FAM184B: variants seen among roughly 807,000 people sequenced by gnomAD.
The protein encoded by FAM184B is protein FAM184B.
FAM184B carries 111 observed loss-of-function variants against 135.9 expected under a neutral mutation model. That is an observed-to-expected ratio of 0.82 (90% CI 0.70 to 0.96). The LOEUF is 0.96. FAM184B is among the 40% of genes least tolerant of loss of function. FAM184B has a pLI of 0.00. For synonymous variants in FAM184B, 552 were observed against 524.8 expected (o/e 1.05, Z -0.71); for missense variants, 1,375 against 1,323.9 (o/e 1.04, Z -0.60).
In FAM184B at chr4:17,739,555, G is replaced by GTT. The variant is rs397992408; in HGVS notation, c.142-29913_142-29912dup. On this transcript the variant is annotated intron_variant, in intron 1 of 17. Transcript: ENST00000265018. ...CCCTACACCATATGTCATACCAACTGTTTTTTTTTTTTTTTTGAGATGGGG... is the reference window on the plus strand; with the variant it reads ...CCCTACACCATATGTCATACCAACTGTTTTTTTTTTTTTTTTTTGAGATGGGG... 3.7e-4 allele frequency among the ~76,000 whole-genome samples: 23 copies of GTT among 62,510 alleles called. 4 individuals carry two copies. The highest frequency in any genetic ancestry group is 7.8e-4 in the South Asian group (1 of 1,280). 41.0% of individuals were successfully genotyped at this position (62,510 alleles called of 152,430 possible).
At chr4:17,636,427 A>G in intron 15 of FAM184B, 101 bp downstream of exon 15, 3 of 875,756 alleles carry the variant, frequency 3.4e-6, no homozygotes, top group Non-Finnish European at 5.5e-6. Context: ...GTAAGATATT[A>G]GGGCACCTAG....
intron 1 of FAM184B, among the ~76,000 whole-genome samples, chr4:17,721,672 C>T (rs1276714301): frequency 6.6e-6 from 1 of 152,122 alleles, no homozygotes; most frequent in African/African-American, 2.4e-5. Flanking sequence ...GGGGTCAGAC[C>T]CTCACAAGTC....
intron 9 of FAM184B, 116 bp from the exon 10 acceptor site, chr4:17,658,678 G>T: frequency 9.7e-7 from 1 of 1,027,756 alleles, no homozygotes; most frequent in Non-Finnish European, 1.4e-6. Flanking sequence ...TCTGTCTGTA[G>T]AGACTCTGAA....
intron 5 of FAM184B, among the ~76,000 whole-genome samples, chr4:17,702,152 T>G (rs1717001160): frequency 6.6e-6 from 1 of 152,188 alleles, no homozygotes; most frequent in Non-Finnish European, 1.5e-5. Flanking sequence ...GCTGGGTAGC[T>G]GCCAAGCCCA....
chr4:17,653,363 A>C (rs943932958), intron 10 of FAM184B, among the ~76,000 whole-genome samples: 5 of 152,186 alleles, frequency 3.3e-5, no homozygotes, highest in African/African-American at 1.2e-4. Context: ...CATCTGCCCC[A>C]GGACTAGTGT....
At chr4:17,739,555 G>GTTTTTTTTTTTGT (rs1553841418) in intron 1 of FAM184B, among the ~76,000 whole-genome samples, 1 of 62,510 alleles carries the variant, frequency 1.6e-5, no homozygotes, top group Non-Finnish European at 2.7e-5. Flanking sequence ...CATACCAACT[G>GTTTTTTTTTTTGT]TTTTTTTTTT....
intron 7 of FAM184B, among the ~76,000 whole-genome samples, chr4:17,667,127 T>C (rs879408749): frequency 1.6e-4 from 24 of 151,914 alleles, no homozygotes; most frequent in Non-Finnish European, 4.4e-5. Flanking sequence ...GCCTGGGTAC[T>C]TTTTACATTC....
chr4:17,727,504 C>G (rs577445457), intron 1 of FAM184B, among the ~76,000 whole-genome samples: 1 of 152,312 alleles, frequency 6.6e-6, no homozygotes, highest in East Asian at 1.9e-4. Flanking sequence ...TTAATTGACT[C>G]ACAGTTCCAC....
Position 17,630,912 on chromosome 4 carries a change from A to G in FAM184B, c.*1620T>C, listed in dbSNP as rs1034377067. 1.2e-4 allele frequency: 18 copies of G among 152,216 alleles called. No homozygotes were observed. The highest frequency in any genetic ancestry group is 2.1e-4 in the Non-Finnish European group (14 of 68,046). The allele number at this position is 152,216 out of a possible 1,614,324, so 9.4% of individuals were successfully genotyped here. Reference sequence around the variant, plus strand: ...ACCATTTTTATTGCCCAGTTATTCAAAGTTTTATTCAAAGAGCAAAGATTT... The same window carrying G: ...ACCATTTTTATTGCCCAGTTATTCAGAGTTTTATTCAAAGAGCAAAGATTT... On this transcript the variant is annotated 3_prime_UTR_variant, in exon 18 of 18. Transcript: ENST00000265018.
At chr4:17,774,502 C>A (rs1213547865) in intron 1 of FAM184B, among the ~76,000 whole-genome samples, 1 of 152,194 alleles carries the variant, frequency 6.6e-6, no homozygotes. Context: ...CTTTCAAGAA[C>A]AAAAGCTTCC....
At chr4:17,687,710 C>T (rs139002639) in intron 7 of FAM184B, among the ~76,000 whole-genome samples, 2 of 152,148 alleles carry the variant, frequency 1.3e-5, no homozygotes, top group East Asian at 3.9e-4. Context: ...ATCGGAGTGA[C>T]GTGTTTGCAA....
At chr4:17,689,380 C>A (rs1341958486) in intron 6 of FAM184B, among the ~76,000 whole-genome samples, 2 of 152,066 alleles carry the variant, frequency 1.3e-5, no homozygotes, top group African/African-American at 2.4e-5. Flanking sequence ...CTTTGACTTT[C>A]CTCAAAATTT....
intron 13 of FAM184B, 29 bp downstream of exon 13, chr4:17,642,027 G>A (rs1215437288): frequency 4.6e-6 from 7 of 1,508,234 alleles, no homozygotes; most frequent in East Asian, 2.6e-5. Flanking sequence ...TGAGGGTGGC[G>A]CGGTGGCGGG....
intron 1 of FAM184B, among the ~76,000 whole-genome samples, chr4:17,718,564 G>C (rs1005408917): frequency 6.6e-6 from 1 of 152,140 alleles, no homozygotes; most frequent in Non-Finnish European, 1.5e-5. Context: ...GCATTTATTT[G>C]TCTTCCCCAT....
chr4:17,696,637 C>T (rs375440504), intron 5 of FAM184B, among the ~76,000 whole-genome samples: 48 of 152,086 alleles, frequency 3.2e-4, no homozygotes, highest in Non-Finnish European at 5.6e-4. Flanking sequence ...CACAGCGAGA[C>T]GCTATCTCTA....
intron 16 of FAM184B, among the ~76,000 whole-genome samples, 192 bp downstream of exon 16, chr4:17,634,817 A>G: frequency 6.6e-6 from 1 of 152,182 alleles, no homozygotes; most frequent in East Asian, 1.9e-4. Flanking sequence ...AAAATTTGGA[A>G]AATACAAAAT....
At chr4:17,732,101 A>C (rs1189722979) in intron 1 of FAM184B, among the ~76,000 whole-genome samples, 1 of 152,220 alleles carries the variant, frequency 6.6e-6, no homozygotes, top group African/African-American at 2.4e-5. Context: ...TACATAACGA[A>C]ATGAAGGCAG....
At chr4:17,759,779 A>G (rs1415772004) in intron 1 of FAM184B, among the ~76,000 whole-genome samples, 2 of 152,164 alleles carry the variant, frequency 1.3e-5, no homozygotes, top group African/African-American at 4.8e-5. Context: ...TACAGGTGTG[A>G]GCCACCACAC....
chr4:17,766,137 T>G (rs929859492), intron 1 of FAM184B, among the ~76,000 whole-genome samples: 1 of 152,212 alleles, frequency 6.6e-6, no homozygotes, highest in African/African-American at 2.4e-5. Context: ...CAGGTTGCCA[T>G]TGCTGGGTCA....
Sources: allele counts gnomAD v4.1 joint callset (sites outside exome capture counted in the v4.1 genomes callset), GRCh38; gene constraint gnomAD v4.1.1; transcripts MANE v1.5; gene names NCBI Gene and HGNC (gene_info 2026-07-23, HGNC 2026-07-21).